Variants in ZC3H6 observed in about 807,000 individuals in gnomAD.
The protein encoded by ZC3H6 is zinc finger CCCH domain-containing protein 6.
A neutral mutation model predicts 107.7 loss-of-function variants in ZC3H6; 40 were observed. The observed-to-expected ratio is 0.37, with a 90% CI of 0.29 to 0.48. The LOEUF is 0.48. Among genes scored for constraint, ZC3H6 ranks in the 20% least tolerant of loss-of-function variants. ZC3H6 has a pLI of 0.98. For synonymous variants in ZC3H6, 493 were observed against 487.9 expected, an observed-to-expected ratio of 1.01 and a Z score of -0.14; for missense variants, 1,267 against 1,410.4, an observed-to-expected ratio of 0.90 and a Z score of 1.63.
chr2:112,286,856 A>G (rs1015201791), intron 1 of ZC3H6, among the ~76,000 whole-genome samples: 1 of 152,204 alleles, frequency 6.6e-6, no homozygotes, highest in African/African-American at 2.4e-5. Context: ...TTGGAGAAGC[A>G]TACTTTGGCT....
chr2:112,291,683 A>T (rs1280436821), intron 1 of ZC3H6, among the ~76,000 whole-genome samples: 3 of 152,128 alleles, frequency 2.0e-5, no homozygotes, highest in African/African-American at 7.2e-5. Context: ...ATGAAGAAGA[A>T]AATAAAGCTT....
chr2:112,327,762 G>A (rs146240439), intron 11 of ZC3H6, among the ~76,000 whole-genome samples: 12 of 152,172 alleles, frequency 7.9e-5, no homozygotes, highest in African/African-American at 2.6e-4. Flanking sequence ...ATTTATTGAC[G>A]AGATTGTCCT....
chr2:112,325,369 C>T (rs190827125), intron 11 of ZC3H6, among the ~76,000 whole-genome samples, 172 bp downstream of exon 11: 1 of 152,224 alleles, frequency 6.6e-6, no homozygotes, highest in East Asian at 1.9e-4. Flanking sequence ...TGGCATGTGC[C>T]TGTAGTACCA....
In ZC3H6 at chr2:112,331,797, T is replaced by G. The variant is rs746981213; in HGVS notation, c.2879T>G (p.Leu960Ter). 4 of 1,613,616 alleles carry G rather than the reference T, an allele frequency of 2.5e-6. No individual in the cohort carries two copies. The South Asian group carries it at 4.4e-5, about 18-fold the overall frequency. Residue 960 changes from leucine (L) to a stop codon, truncating the protein, a stop_gained, in exon 12 of 12, where the codon TTA (leucine) becomes TGA (stop). Coordinates refer to ENST00000409871, the MANE Select transcript of ZC3H6 (RefSeq NM_198581.3). LOFTEE classifies it high-confidence loss of function. ...GACTCACACGGTTCAGGAGCTAAAT[T>G]AGGAGATCCTAGACTACAAAAAAAT... ...FGDSHGSGAK[L>*]GDPRLQKNFD...
At chr2:112,287,214 T>A (rs1261206220) in intron 1 of ZC3H6, among the ~76,000 whole-genome samples, 1 of 152,148 alleles carries the variant, frequency 6.6e-6, no homozygotes, top group African/African-American at 2.4e-5. Context: ...TTCTGTGGAA[T>A]TTCTAGTTCC....
At position 112,334,543 on chromosome 2, in the gene ZC3H6, G is replaced by A. The variant is rs1271780757; in HGVS notation, c.*2055G>A. The A allele has an allele frequency of 6.6e-6, 1 of 152,182 alleles. No homozygotes were observed. The highest frequency in any genetic ancestry group is 1.5e-5 in the Non-Finnish European group (1 of 67,972). The allele number at this position is 152,182 out of a possible 1,614,324, so 9.4% of individuals were successfully genotyped here. ...TTTAAAAGTTATTAATGCAAATTAT[G>A]TAATGTTCATTTATTCAGTATTCTT... On this transcript the variant is annotated 3_prime_UTR_variant, in exon 12 of 12. Transcript: ENST00000409871.
At chr2:112,284,656 A>G (rs1259628898) in intron 1 of ZC3H6, among the ~76,000 whole-genome samples, 2 of 151,296 alleles carry the variant, frequency 1.3e-5, no homozygotes, top group African/African-American at 4.8e-5. Flanking sequence ...TGGAATACAA[A>G]ATAGGTGGAG....
intron 1 of ZC3H6, among the ~76,000 whole-genome samples, chr2:112,288,866 G>T (rs62158756): frequency 1.3e-5 from 2 of 151,932 alleles, no homozygotes; most frequent in African/African-American, 2.4e-5. Context: ...ATTGCTGTTA[G>T]GGCAATCACC....
chr2:112,330,484 T>C (rs1677006138), intron 11 of ZC3H6, among the ~76,000 whole-genome samples: 1 of 152,242 alleles, frequency 6.6e-6, no homozygotes, highest in South Asian at 2.1e-4. Flanking sequence ...CATTGCTACC[T>C]TAACCATCAC....
Position 112,335,970 on chromosome 2 carries a change from G to T in ZC3H6, c.*3482G>T, listed in dbSNP as rs2104731435. The stretch of plus-strand genomic sequence containing the variant: ...ACAGTTCATGGTGCATGGTGTGTTT[G>T]TTTAAATCATAGCATGTTTAGGCAA... On this transcript the variant is annotated 3_prime_UTR_variant, in exon 12 of 12. Transcript: ENST00000409871. 1 of 152,258 alleles carries T rather than the reference G, an allele frequency of 6.6e-6. No homozygotes were observed. Among genetic ancestry groups the T allele is most frequent in the South Asian group, 2.1e-4 (1 of 4,826 alleles). The allele number at this position is 152,258 out of a possible 1,614,324, so 9.4% of individuals were successfully genotyped here.
intron 5 of ZC3H6, among the ~76,000 whole-genome samples, chr2:112,314,166 A>G (rs1449317672): frequency 6.7e-6 from 1 of 148,692 alleles, no homozygotes; most frequent in Non-Finnish European, 1.5e-5. Context: ...TTCTCCCTCC[A>G]TCTCTCCCTC....
chr2:112,329,602 T>C (rs78058067), intron 11 of ZC3H6, among the ~76,000 whole-genome samples: 3,181 of 152,320 alleles, frequency 0.021, 54 homozygotes, highest in South Asian at 0.051. Context: ...CCAATGCTTG[T>C]TTTGTAAGCA....
In ZC3H6 at chr2:112,338,840, T is replaced by TAC. The variant is rs398104619; in HGVS notation, c.*6352_*6353insAC. ...TTGTCAATGATAGACTATATATATA[T>TAC]GTATGTATATGTGTGTATATATATA... On this transcript the variant is annotated 3_prime_UTR_variant, in exon 12 of 12. Transcript: ENST00000409871. The TAC allele has an allele frequency of 9.0e-6, 1 of 111,688 alleles. No individual in the cohort carries two copies. Among genetic ancestry groups the TAC allele is most frequent in the African/African-American group, 3.6e-5 (1 of 28,032 alleles). The allele number at this position is 111,688 out of a possible 1,614,324, so 6.9% of individuals were successfully genotyped here. A position where few individuals can be genotyped will look rare whatever the true frequency, so the allele number is the denominator to read the frequency against.
chr2:112,322,111 TCTTCCCTCCTTCCCTC>T (rs554957986), intron 8 of ZC3H6, among the ~76,000 whole-genome samples: 65 of 144,220 alleles, frequency 4.5e-4, no homozygotes, highest in African/African-American at 1.5e-3. Context: ...CTCCTTCCCG[TCTTCCCTCCTTCCCTC>T]CTTCCCTCCT....
chr2:112,317,197 T>TA (rs1676712849), intron 6 of ZC3H6, 24 bp from the exon 7 acceptor site: 1 of 1,188,104 alleles, frequency 8.4e-7, no homozygotes, highest in South Asian at 1.6e-5. Context: ...TTTTCTTTTT[T>TA]CTTTTTTTTT....
At chr2:112,289,588 G>T (rs1036835535) in intron 1 of ZC3H6, among the ~76,000 whole-genome samples, 1 of 152,126 alleles carries the variant, frequency 6.6e-6, no homozygotes, top group Non-Finnish European at 1.5e-5. Flanking sequence ...GCCTCCCAAA[G>T]TGCTGGGATT....
chr2:112,298,815 A>T (rs1478173196), intron 1 of ZC3H6, among the ~76,000 whole-genome samples: 3 of 152,328 alleles, frequency 2.0e-5, no homozygotes, highest in Admixed American at 6.5e-5. Context: ...TACAATAAAG[A>T]AAAAAGTTAT....
chr2:112,299,845 A>C lies in ZC3H6; in HGVS notation c.33-4A>C. 1 of 1,414,522 alleles carries C rather than the reference A, an allele frequency of 7.1e-7. No individual in the cohort carries two copies. Among genetic ancestry groups the C allele is most frequent in the Non-Finnish European group, 9.2e-7 (1 of 1,082,670 alleles). 87.6% of individuals were successfully genotyped at this position (1,414,522 alleles called of 1,614,324 possible). A position where few individuals can be genotyped will look rare whatever the true frequency, so the allele number is the denominator to read the frequency against. On this transcript the variant is annotated splice_region_variant and splice_polypyrimidine_tract_variant and intron_variant, in intron 1 of 11. Coordinates refer to ENST00000409871, the MANE Select transcript of ZC3H6 (RefSeq NM_198581.3). ...ATTTGAAAATTAAAATTTTCCTTCT[A>C]TAGAGAAGATGGCGAATTAGAAGAT... is the stretch of plus-strand genomic sequence containing the variant.
intron 1 of ZC3H6, among the ~76,000 whole-genome samples, chr2:112,287,999 T>C (rs143161612): frequency 6.6e-3 from 999 of 152,212 alleles, no homozygotes; most frequent in African/African-American, 0.023. Context: ...GTTGGTTACT[T>C]TGAATCATCA....
Sources: gnomAD v4.1 joint callset for allele counts (sites outside exome capture counted in the v4.1 genomes callset) on GRCh38, gnomAD v4.1.1 for gene constraint, MANE v1.5 for transcripts, NCBI Gene and HGNC (gene_info 2026-07-23, HGNC 2026-07-21) for gene names.